Variants in SNCAIP observed in about 807,000 individuals in gnomAD.
The protein encoded by SNCAIP is synuclein alpha interacting protein.
SNCAIP carries 43 observed loss-of-function variants against 86.7 expected under a neutral mutation model. The ratio of observed to expected loss-of-function variants is 0.50; its 90% CI spans 0.39 to 0.64. SNCAIP has a LOEUF of 0.64. Among genes scored for constraint, SNCAIP ranks in the 30% least tolerant of loss-of-function variants. The pLI is 0.00. For missense variants in SNCAIP, 981 were observed against 1,103.1 expected (o/e 0.89, Z 1.57); for synonymous variants, 417 against 427.2 (o/e 0.98, Z 0.29).
chr5:122,317,198 T>C (rs2152653633), intron 1 of SNCAIP, among the ~76,000 whole-genome samples: 1 of 152,310 alleles, frequency 6.6e-6, no homozygotes, highest in African/African-American at 2.4e-5. Context: ...CTCATAAAAA[T>C]AAACTATTTT....
At chr5:122,315,966 A>G (rs1462127231) in intron 1 of SNCAIP, among the ~76,000 whole-genome samples, 2 of 152,220 alleles carry the variant, frequency 1.3e-5, no homozygotes, top group African/African-American at 4.8e-5. Flanking sequence ...AAAATACTTA[A>G]GTGACTAAAA....
At chr5:122,431,735 T>C (rs1028566029) in intron 5 of SNCAIP, among the ~76,000 whole-genome samples, 2 of 152,178 alleles carry the variant, frequency 1.3e-5, no homozygotes, top group African/African-American at 4.8e-5. Context: ...GAATTTAAAA[T>C]AACTGATTAC....
chr5:122,371,775 C>T (rs1764315691), intron 1 of SNCAIP: 1 of 152,184 alleles, frequency 6.6e-6, no homozygotes, highest in Non-Finnish European at 1.5e-5. Flanking sequence ...TCTATTTCCT[C>T]ATCTGTGAAG....
chr5:122,453,298 T>C (rs1784088311), intron 10 of SNCAIP, among the ~76,000 whole-genome samples: 1 of 152,204 alleles, frequency 6.6e-6, no homozygotes, highest in Admixed American at 6.5e-5. Context: ...TGGAGTCAAG[T>C]ATTAAGAAAG....
intron 2 of SNCAIP, among the ~76,000 whole-genome samples, chr5:122,399,661 A>G (rs562883365): frequency 6.6e-6 from 1 of 152,236 alleles, no homozygotes; most frequent in Admixed American, 6.5e-5. Context: ...AATTTGGTTT[A>G]ATAAGTGCCT....
intron 3 of SNCAIP, among the ~76,000 whole-genome samples, chr5:122,410,412 C>T (rs1773879061): frequency 6.6e-6 from 1 of 152,156 alleles, no homozygotes; most frequent in Admixed American, 6.5e-5. Context: ...CCTTTAACCC[C>T]TTTTAACTTA....
At chr5:122,410,052 A>G (rs1773801052) in intron 3 of SNCAIP, among the ~76,000 whole-genome samples, 1 of 152,234 alleles carries the variant, frequency 6.6e-6, no homozygotes, top group Non-Finnish European at 1.5e-5. Flanking sequence ...TATGACAAAG[A>G]AATGTTTCTT....
At chr5:122,436,925 A>G (rs963941343) in intron 6 of SNCAIP, 2 of 152,346 alleles carry the variant, frequency 1.3e-5, no homozygotes, top group East Asian at 1.9e-4. Flanking sequence ...GGAAAACTAT[A>G]TAAGAGGAGT....
intron 1 of SNCAIP, among the ~76,000 whole-genome samples, chr5:122,327,343 A>T (rs1338156458): frequency 6.6e-6 from 1 of 152,114 alleles, no homozygotes; most frequent in African/African-American, 2.4e-5. Flanking sequence ...GTAATTGATG[A>T]TGTTTGCAGA....
chr5:122,379,659 T>C (rs1345615058), intron 1 of SNCAIP, among the ~76,000 whole-genome samples: 1 of 152,012 alleles, frequency 6.6e-6, no homozygotes, highest in Non-Finnish European at 1.5e-5. Flanking sequence ...CCATTCAGTA[T>C]GATATTGGCT....
chr5:122,314,573 T>TATAAA (rs1751314864), intron 1 of SNCAIP, among the ~76,000 whole-genome samples: 2 of 152,218 alleles, frequency 1.3e-5, no homozygotes. Flanking sequence ...TTTACCCTTA[T>TATAAA]ATACTTATTT....
chr5:122,406,877 C>T (rs908377213), intron 3 of SNCAIP, among the ~76,000 whole-genome samples: 1 of 152,144 alleles, frequency 6.6e-6, no homozygotes, highest in Non-Finnish European at 1.5e-5. Flanking sequence ...TGATACCCCA[C>T]GAGACAAAGA....
intron 1 of SNCAIP, among the ~76,000 whole-genome samples, chr5:122,330,113 A>ATTTTTT (rs1387266417): frequency 1.0e-4 from 12 of 120,344 alleles, no homozygotes; most frequent in African/African-American, 4.3e-4. Flanking sequence ...GTACAACTTC[A>ATTTTTT]TTTCTTTTTT....
At chr5:122,382,507 A>C (rs1767068978) in intron 1 of SNCAIP, among the ~76,000 whole-genome samples, 1 of 152,174 alleles carries the variant, frequency 6.6e-6, no homozygotes, top group East Asian at 1.9e-4. Flanking sequence ...CGTAGCTCAG[A>C]GTAATTTGAT....
chr5:122,348,515 A>G (rs1580569013), intron 1 of SNCAIP, among the ~76,000 whole-genome samples: 3 of 152,272 alleles, frequency 2.0e-5, no homozygotes, highest in Admixed American at 6.5e-5. Flanking sequence ...GTTTCTGTTC[A>G]TCAGTTTGGG....
At chr5:122,344,782 A>G (rs1354189431) in intron 1 of SNCAIP, among the ~76,000 whole-genome samples, 1 of 152,204 alleles carries the variant, frequency 6.6e-6, no homozygotes, top group Non-Finnish European at 1.5e-5. Context: ...TTTGTATTAT[A>G]TATTTTCAAA....
chr5:122,425,545 G>T lies in SNCAIP; in HGVS notation c.1182+14G>T. On this transcript the variant is annotated intron_variant, in intron 5 of 10. Coordinates refer to ENST00000261368, the MANE Select transcript of SNCAIP (RefSeq NM_005460.4). Reference sequence around the variant, plus strand: ...CTGGCCATTAAGGTGACTGGTTGGGGGCTGGAACCTCCACAGCTAGAAGCT... The same window carrying T: ...CTGGCCATTAAGGTGACTGGTTGGGTGCTGGAACCTCCACAGCTAGAAGCT... 1 of 1,609,654 alleles carries T rather than the reference G, an allele frequency of 6.2e-7. No homozygotes were observed. Among genetic ancestry groups the T allele is most frequent in the Non-Finnish European group, 8.5e-7 (1 of 1,176,046 alleles).
chr5:122,401,878 C>T (rs749622360), intron 2 of SNCAIP, among the ~76,000 whole-genome samples: 2 of 152,102 alleles, frequency 1.3e-5, no homozygotes, highest in Non-Finnish European at 2.9e-5. Context: ...GAAGCTACAG[C>T]GAATACATCA....
chr5:122,401,068 A>C, intron 2 of SNCAIP: 1 of 1,550,158 alleles, frequency 6.5e-7, no homozygotes, highest in South Asian at 1.2e-5. Context: ...TTTGGTTCCC[A>C]TAGGGCCAAA....
Sources: allele counts gnomAD v4.1 joint callset (sites outside exome capture counted in the v4.1 genomes callset), GRCh38; gene constraint gnomAD v4.1.1; transcripts MANE v1.5; gene names NCBI Gene and HGNC (gene_info 2026-07-23, HGNC 2026-07-21).